Variants in RBMS3 observed in about 807,000 individuals in gnomAD.
RBMS3 encodes the protein RNA binding motif single stranded interacting protein 3.
A neutral mutation model predicts 66.8 loss-of-function variants in RBMS3; 27 were observed. The ratio of observed to expected loss-of-function variants is 0.40; its 90% confidence interval spans 0.30 to 0.56. The LOEUF (loss-of-function observed/expected upper bound fraction) is 0.56, where lower values mean the gene tolerates loss of function less well. Among genes scored for constraint, RBMS3 ranks in the 20% least tolerant of loss-of-function variants. The pLI is 0.40. For missense variants in RBMS3, 513 were observed against 549.5 expected (o/e 0.93, Z 0.66); for synonymous variants, 188 against 183.0 (o/e 1.03, Z -0.22).
chr3:29,890,950 A>T (rs2059987951), intron 8 of RBMS3, among the ~76,000 whole-genome samples: 1 of 151,558 alleles, frequency 6.6e-6, no homozygotes, highest in South Asian at 2.1e-4. Flanking sequence ...CTGATGAGGA[A>T]TTGGGAAGGC....
intron 11 of RBMS3, among the ~76,000 whole-genome samples, chr3:29,943,583 G>A (rs776627625): frequency 1.1e-4 from 16 of 151,776 alleles, no homozygotes; most frequent in South Asian, 6.2e-4. Context: ...AAAGATAACC[G>A]TCACGTTCAA....
chr3:29,647,738 G>A (rs2049981981), intron 4 of RBMS3, among the ~76,000 whole-genome samples: 1 of 152,154 alleles, frequency 6.6e-6, no homozygotes, highest in African/African-American at 2.4e-5. Context: ...ATAGCACTCT[G>A]ATATAGGCAT....
intron 1 of RBMS3, among the ~76,000 whole-genome samples, chr3:29,398,741 T>C (rs528444755): frequency 1.2e-4 from 19 of 152,212 alleles, no homozygotes; most frequent in Admixed American, 2.6e-4. Flanking sequence ...GTGCTGCAGG[T>C]GCCAAGTGAT....
intron 6 of RBMS3, among the ~76,000 whole-genome samples, chr3:29,795,277 G>A (rs1016899820): frequency 6.6e-6 from 1 of 152,304 alleles, no homozygotes; most frequent in South Asian, 2.1e-4. Context: ...GAAAGTGGAA[G>A]CCAGTAACCC....
chr3:29,840,094 GA>G (rs1406827658), intron 6 of RBMS3, among the ~76,000 whole-genome samples: 2 of 151,704 alleles, frequency 1.3e-5, no homozygotes, highest in Non-Finnish European at 2.9e-5. Flanking sequence ...CTTTTAATAT[GA>G]AACTGTAAGG....
At chr3:29,587,694 T>C (rs548706817) in intron 4 of RBMS3, among the ~76,000 whole-genome samples, 7 of 151,912 alleles carry the variant, frequency 4.6e-5, no homozygotes, top group Non-Finnish European at 1.0e-4. Flanking sequence ...GATTGTTGAA[T>C]GATGGGGTTG....
intron 4 of RBMS3, among the ~76,000 whole-genome samples, chr3:29,712,972 A>G (rs2149308952): frequency 6.6e-6 from 1 of 152,194 alleles, no homozygotes; most frequent in East Asian, 1.9e-4. Flanking sequence ...TCTTTTTCAG[A>G]GATAGAAAGA....
At chr3:29,818,853 T>A (rs1052122606) in intron 6 of RBMS3, among the ~76,000 whole-genome samples, 1 of 152,160 alleles carries the variant, frequency 6.6e-6, no homozygotes. Flanking sequence ...AGTAATTCAA[T>A]GAAAGTTATT....
intron 2 of RBMS3, among the ~76,000 whole-genome samples, chr3:29,482,196 A>G (rs531317789): frequency 1.3e-5 from 2 of 152,338 alleles, no homozygotes; most frequent in East Asian, 3.9e-4. Flanking sequence ...TTGGTATGGA[A>G]ATCCCTTTCT....
chr3:29,672,580 A>T (rs928563612), intron 4 of RBMS3, among the ~76,000 whole-genome samples: 2 of 152,084 alleles, frequency 1.3e-5, no homozygotes, highest in Non-Finnish European at 2.9e-5. Flanking sequence ...AAAAATAAAG[A>T]TATGAAAGAA....
intron 6 of RBMS3, among the ~76,000 whole-genome samples, chr3:29,781,226 G>A (rs1273433344): frequency 2.3e-5 from 1 of 43,856 alleles, no homozygotes; most frequent in African/African-American, 7.6e-5. Flanking sequence ...CTTAATCATT[G>A]GAAACCATTT....
At chr3:29,701,893 C>T (rs983454952) in intron 4 of RBMS3, among the ~76,000 whole-genome samples, 10 of 152,024 alleles carry the variant, frequency 6.6e-5, no homozygotes, top group Non-Finnish European at 1.2e-4. Context: ...GCCGCCCGGT[C>T]CCATCGACCG....
intron 1 of RBMS3, among the ~76,000 whole-genome samples, chr3:29,401,869 G>A (rs1280733541): frequency 6.6e-6 from 1 of 152,002 alleles, no homozygotes; most frequent in African/African-American, 2.4e-5. Context: ...TGTAGTCATG[G>A]CTATGATGAT....
intron 8 of RBMS3, among the ~76,000 whole-genome samples, chr3:29,896,607 C>T (rs993493459): frequency 2.0e-5 from 3 of 151,506 alleles, no homozygotes; most frequent in African/African-American, 4.8e-5. Flanking sequence ...AGTAACTCAT[C>T]GACTCTACAG....
intron 2 of RBMS3, among the ~76,000 whole-genome samples, chr3:29,438,813 A>G (rs891611735): frequency 6.6e-6 from 1 of 152,180 alleles, no homozygotes; most frequent in African/African-American, 2.4e-5. Flanking sequence ...AATTTAGATA[A>G]AGGAGAAATA....
chr3:29,919,829 T>C (rs112102695), intron 10 of RBMS3, among the ~76,000 whole-genome samples: 9 of 152,366 alleles, frequency 5.9e-5, no homozygotes, highest in African/African-American at 2.2e-4. Context: ...CATTGTACAT[T>C]GTCAACTTTT....
At chr3:29,636,506 AAT>A (rs1190563401) in intron 4 of RBMS3, among the ~76,000 whole-genome samples, 1 of 151,888 alleles carries the variant, frequency 6.6e-6, no homozygotes, top group East Asian at 1.9e-4. Flanking sequence ...GAAGGCTGGT[AAT>A]CTGTTTAGAA....
intron 14 of RBMS3, among the ~76,000 whole-genome samples, chr3:29,992,292 A>C (rs1698930465): frequency 6.6e-6 from 1 of 151,862 alleles, no homozygotes. Flanking sequence ...GCCATTAAAA[A>C]CCATAGGTAT....
At chr3:29,336,204 C>T (rs2035937398) in intron 1 of RBMS3, among the ~76,000 whole-genome samples, 1 of 152,116 alleles carries the variant, frequency 6.6e-6, no homozygotes, top group Non-Finnish European at 1.5e-5. Context: ...GTGGTAAGCA[C>T]AGTTTGAAAC....
Sources: allele counts gnomAD v4.1 joint callset (sites outside exome capture counted in the v4.1 genomes callset), GRCh38; gene constraint gnomAD v4.1.1; transcripts MANE v1.5; gene names NCBI Gene and HGNC (gene_info 2026-07-23, HGNC 2026-07-21).